CACNA1D: variants seen among roughly 807,000 people sequenced by gnomAD.
CACNA1D encodes the protein voltage-dependent L-type calcium channel subunit alpha-1D.
In CACNA1D, 55 loss-of-function variants were observed where a neutral mutation model predicts 257.1. The ratio of observed to expected loss-of-function variants is 0.21; its 90% confidence interval spans 0.17 to 0.27. The LOEUF is 0.27. CACNA1D is among the 10% of genes least tolerant of loss of function. The probability of loss-of-function intolerance (pLI) is 1.00; values close to 1 mark genes in which losing one functional copy is unlikely to be tolerated. For missense variants in CACNA1D, 1,876 were observed against 2,784.0 expected (o/e 0.67, Z 7.34); for synonymous variants, 980 against 1,014.9 (o/e 0.97, Z 0.65).
Position 53,666,667 on chromosome 3 carries a change from T to C in CACNA1D, c.1116+132T>C. ...GTTATTTGGGAAGGGAAGCAGATGC[T>C]GTCTTTACCAGCAGTCTTCATCATC... is the stretch of plus-strand genomic sequence containing the variant. On this transcript the variant is annotated intron_variant, in intron 7 of 47. Coordinates refer to ENST00000350061, the MANE Select transcript of CACNA1D (RefSeq NM_001128840.3). 11 of 781,920 alleles carry C rather than the reference T, an allele frequency of 1.4e-5. No homozygotes were observed. In the South Asian group the frequency reaches 1.5e-4, roughly 11 times the overall value. The allele number at this position is 781,920 out of a possible 1,614,324, so 48.4% of individuals were successfully genotyped here. A position where few individuals can be genotyped will look rare whatever the true frequency, so the allele number is the denominator to read the frequency against.
intron 46 of CACNA1D, chr3:53,809,577 C>G (rs1035547629): frequency 3.4e-6 from 1 of 293,282 alleles, no homozygotes; most frequent in South Asian, 3.8e-5. Context: ...CAAAGAGAAC[C>G]AGCTGTTTTC....
At chr3:53,739,540 C>G (rs2095093974) in intron 20 of CACNA1D, among the ~76,000 whole-genome samples, 1 of 152,078 alleles carries the variant, frequency 6.6e-6, no homozygotes, top group Admixed American at 6.6e-5. Flanking sequence ...GGTATTGTCA[C>G]CAATGAGGAT....
At chr3:53,582,313 CT>C (rs1306452426) in intron 3 of CACNA1D, among the ~76,000 whole-genome samples, 1 of 152,060 alleles carries the variant, frequency 6.6e-6, no homozygotes, top group Non-Finnish European at 1.5e-5. Context: ...CAAGCCCAGC[CT>C]TTCAGGATCT....
chr3:53,589,281 G>A (rs533054203), intron 3 of CACNA1D, among the ~76,000 whole-genome samples: 1 of 152,304 alleles, frequency 6.6e-6, no homozygotes, highest in Non-Finnish European at 1.5e-5. Context: ...TGTCAAATGT[G>A]GGCCTTTAGC....
In CACNA1D at chr3:53,753,634, G is replaced by A. The variant is rs2095243802; in HGVS notation, c.3738G>A (p.Gly1246=). Residue 1246 remains glycine (G), a synonymous_variant, in exon 29 of 48, where the codon GGG becomes GGA. Transcript: ENST00000350061. ...AMDILNMVFT[G]VFTVEMVLKV... is the part of the protein sequence containing the mutation. Reference sequence around the variant, plus strand: ...ACATTCTGAACATGGTCTTCACCGGGGTGTTCACCGTCGAGATGGTTTTGA... The same window carrying A: ...ACATTCTGAACATGGTCTTCACCGGAGTGTTCACCGTCGAGATGGTTTTGA... The A allele has an allele frequency of 6.8e-6, 11 of 1,613,722 alleles. No individual in the cohort carries two copies. The highest frequency in any genetic ancestry group is 9.3e-6 in the Non-Finnish European group (11 of 1,179,688).
intron 3 of CACNA1D, among the ~76,000 whole-genome samples, chr3:53,572,122 C>T (rs921623729): frequency 7.2e-5 from 11 of 152,180 alleles, no homozygotes; most frequent in South Asian, 2.1e-4. Context: ...ATCTCTTCCC[C>T]TGACCTGTTG....
chr3:53,529,737 G>A (rs1315952371), intron 3 of CACNA1D, among the ~76,000 whole-genome samples: 2 of 152,198 alleles, frequency 1.3e-5, no homozygotes, highest in Non-Finnish European at 1.5e-5. Context: ...ACTTTAAGTG[G>A]GTTGAGCAAC....
rs142973851 is a variant in CACNA1D, at chr3:53,717,531, A to G, written c.1391-770A>G. On this transcript the variant is annotated intron_variant, in intron 9 of 47. Transcript: ENST00000350061. ...GTGGGCGTGTTTCCACATTTCCTCT[A>G]CTTCCGCTCAGGATCCTACCATGGA... Among the ~76,000 whole-genome samples the G allele has an allele frequency of 1.4e-4, 22 of 152,234 alleles. 1 individual carries two copies. The East Asian group carries it at 4.1e-3, about 28-fold the overall frequency.
At chr3:53,519,553 C>A (rs1156662362) in intron 3 of CACNA1D, among the ~76,000 whole-genome samples, 1 of 152,038 alleles carries the variant, frequency 6.6e-6, no homozygotes, top group Non-Finnish European at 1.5e-5. Context: ...GGCATTGGGA[C>A]CTGGAGGCAA....
chr3:53,761,396 G>T (rs1476189172), intron 29 of CACNA1D, among the ~76,000 whole-genome samples: 2 of 152,220 alleles, frequency 1.3e-5, no homozygotes, highest in Non-Finnish European at 2.9e-5. Context: ...CACGGTGCCT[G>T]TGTCCCCGTA....
chr3:53,761,928 C>T (rs1261102451), intron 29 of CACNA1D, 70 bp from the exon 30 acceptor site: 2 of 1,095,220 alleles, frequency 1.8e-6, no homozygotes, highest in East Asian at 4.7e-5. Flanking sequence ...TCGGATTCGC[C>T]CCTATACGGT....
At chr3:53,498,027 C>T (rs1247731284) in intron 2 of CACNA1D, among the ~76,000 whole-genome samples, 1 of 152,126 alleles carries the variant, frequency 6.6e-6, no homozygotes, top group Admixed American at 6.5e-5. Flanking sequence ...GCACATGCTT[C>T]CTAGGGAGAG....
At chr3:53,736,914 C>A (rs2095062917) in intron 20 of CACNA1D, among the ~76,000 whole-genome samples, 1 of 150,172 alleles carries the variant, frequency 6.7e-6, no homozygotes, top group Admixed American at 6.6e-5. Context: ...ACAAAAAGAA[C>A]TCTAGATTTT....
chr3:53,694,817 G>A (rs942358716), intron 8 of CACNA1D, among the ~76,000 whole-genome samples: 12 of 152,186 alleles, frequency 7.9e-5, no homozygotes, highest in African/African-American at 2.4e-4. Context: ...TGAAGCTGCT[G>A]TTGGTTATTC....
chr3:53,600,399 A>G (rs936450), intron 3 of CACNA1D, among the ~76,000 whole-genome samples: 74,562 of 151,640 alleles, frequency 0.49, 19,620 homozygotes, highest in African/African-American at 0.71. Flanking sequence ...CTGTCATTAG[A>G]CTGTAGTGCA....
intron 3 of CACNA1D, among the ~76,000 whole-genome samples, chr3:53,510,151 A>C (rs981747454): frequency 6.6e-6 from 1 of 152,246 alleles, no homozygotes; most frequent in Admixed American, 6.5e-5. Context: ...AAAACAATAC[A>C]GATAAAGTAA....
intron 3 of CACNA1D, among the ~76,000 whole-genome samples, chr3:53,552,160 G>C (rs2092548008): frequency 6.6e-6 from 1 of 152,196 alleles, no homozygotes; most frequent in African/African-American, 2.4e-5. Flanking sequence ...CTCCCAGTGT[G>C]TGTGGAGGGG....
intron 3 of CACNA1D, among the ~76,000 whole-genome samples, chr3:53,613,382 T>TA (rs1469029662): frequency 6.6e-6 from 1 of 152,174 alleles, no homozygotes; most frequent in Non-Finnish European, 1.5e-5. Flanking sequence ...TCAGTAATGA[T>TA]AGTTGTTCTT....
At chr3:53,522,137 A>G (rs1346963426) in intron 3 of CACNA1D, among the ~76,000 whole-genome samples, 2 of 152,116 alleles carry the variant, frequency 1.3e-5, no homozygotes, top group African/African-American at 4.8e-5. Context: ...AGCTGGGGGA[A>G]AAAAAACCAC....
Sources: allele counts gnomAD v4.1 joint callset (sites outside exome capture counted in the v4.1 genomes callset), GRCh38; gene constraint gnomAD v4.1.1; transcripts MANE v1.5; gene names NCBI Gene and HGNC (gene_info 2026-07-23, HGNC 2026-07-21).